Variants in SAG observed in about 807,000 individuals in gnomAD.
SAG encodes S-antigen visual arrestin.
In SAG, 45 loss-of-function variants were observed where a neutral mutation model predicts 55.0. The ratio of observed to expected loss-of-function variants is 0.82; its 90% CI spans 0.64 to 1.05. SAG has a LOEUF of 1.05. Among genes scored for constraint, SAG ranks in the 50% least tolerant of loss-of-function variants. SAG has a pLI of 0.00. For synonymous variants in SAG, 189 were observed against 197.4 expected, an observed-to-expected ratio of 0.96 and a Z score of 0.36; for missense variants, 455 against 512.1, an observed-to-expected ratio of 0.89 and a Z score of 1.08.
At chr2:233,312,255 T>C (rs1700094910) in intron 2 of SAG, among the ~76,000 whole-genome samples, 1 of 152,164 alleles carries the variant, frequency 6.6e-6, no homozygotes, top group Non-Finnish European at 1.5e-5. Flanking sequence ...AAACATGCCC[T>C]CTCTTCACCT....
intron 4 of SAG, chr2:233,320,136 C>T (rs1224876403): frequency 3.4e-6 from 1 of 293,674 alleles, no homozygotes; most frequent in African/African-American, 2.3e-5. Flanking sequence ...TGGATTTCAC[C>T]TCCCCATGTG....
At chr2:233,315,211 G>A (rs1377774204) in intron 2 of SAG, among the ~76,000 whole-genome samples, 2 of 151,030 alleles carry the variant, frequency 1.3e-5, no homozygotes, top group African/African-American at 2.4e-5. Flanking sequence ...GTCTACCTGT[G>A]CAGTAGTTCA....
chr2:233,308,348 A>G (rs1455642303), intron 1 of SAG, among the ~76,000 whole-genome samples: 1 of 152,160 alleles, frequency 6.6e-6, no homozygotes, highest in Non-Finnish European at 1.5e-5. Context: ...ACACACCTGT[A>G]GTCCTGGCTA....
intron 14 of SAG, chr2:233,343,840 A>G: frequency 1.2e-6 from 1 of 836,664 alleles, no homozygotes. Context: ...GCTTTTCTAT[A>G]TTGGTAGTGA....
intron 3 of SAG, 100 bp from the exon 4 acceptor site, chr2:233,318,651 G>A (rs954906355): frequency 5.0e-6 from 5 of 1,002,318 alleles, no homozygotes; most frequent in Non-Finnish European, 7.9e-6. Context: ...TAATGAACAT[G>A]GATTACATGT....
intron 6 of SAG, 45 bp downstream of exon 6, chr2:233,323,050 C>T (rs1179281083): frequency 8.6e-7 from 1 of 1,167,072 alleles, no homozygotes; most frequent in Non-Finnish European, 1.3e-6. Context: ...TTTGTTCATT[C>T]CTTCAATAGA....
Position 233,334,792 on chromosome 2 carries a change from C to T in SAG, c.807-170C>T, listed in dbSNP as rs73995906. ...GCTGCCAGCCCACCCTGAGATTTCA[C>T]AAGCACTGTTCTGCTTCTCGTAAGT... On this transcript the variant is annotated intron_variant, in intron 10 of 15. Transcript: ENST00000409110. 0.017 allele frequency: 11,743 copies of T among 674,894 alleles called. 975 individuals are homozygous for T. The African/African-American group carries it at 0.19, about 11-fold the overall frequency. 41.8% of individuals were successfully genotyped at this position (674,894 alleles called of 1,614,324 possible).
chr2:233,315,127 G>T (rs982082945), intron 2 of SAG, among the ~76,000 whole-genome samples: 1 of 152,148 alleles, frequency 6.6e-6, no homozygotes, highest in African/African-American at 2.4e-5. Flanking sequence ...CCAGGGGCAG[G>T]ACAGGGCCAG....
chr2:233,318,788 A>G lies in SAG; in HGVS notation c.174A>G (p.Gly58=). 2.5e-6 allele frequency: 4 copies of G among 1,613,614 alleles called. No homozygotes were observed. The highest frequency in any genetic ancestry group is 3.4e-6 in the Non-Finnish European group (4 of 1,179,596). The part of the protein sequence containing the change: ...VVLVDPDLVK[G]KKVYVTLTCA... ...TGGTTGATCCTGATCTTGTGAAGGGAAAGAAAGGTGAGATGAAGCCCCTTG... is the reference window on the plus strand; with the variant it reads ...TGGTTGATCCTGATCTTGTGAAGGGGAAGAAAGGTGAGATGAAGCCCCTTG... Residue 58 remains glycine, a synonymous_variant, in exon 4 of 16, where the codon GGA becomes GGG. Transcript: ENST00000409110.
In SAG at chr2:233,319,382, G is replaced by C. The variant is rs1700311750; in HGVS notation, c.181+587G>C. Among the ~76,000 whole-genome samples the C allele has an allele frequency of 6.6e-6, 1 of 152,198 alleles. No homozygotes were observed. Among genetic ancestry groups the C allele is most frequent in the South Asian group, 2.1e-4 (1 of 4,834 alleles). ...ACGGCGCCCTTGAAGATTTCTGGCA[G>C]TTTTGATGTGTGTGGTAAGTAATTT... On this transcript the variant is annotated intron_variant, in intron 4 of 15. Transcript: ENST00000409110. This position sits in a 1 kb window ranked among gnomAD's most constrained non-coding sequence, Gnocchi z 4.4.
chr2:233,334,893 C>G, intron 10 of SAG, 69 bp from the exon 11 acceptor site: 6 of 1,574,370 alleles, frequency 3.8e-6, no homozygotes, highest in Admixed American at 1.7e-5. Context: ...TGCCTAATGT[C>G]AAATAGGGGC....
chr2:233,328,986 A>G (rs1700661168), intron 8 of SAG: 1 of 228,682 alleles, frequency 4.4e-6, no homozygotes, highest in Non-Finnish European at 8.5e-6. Context: ...TTCCTGGGAA[A>G]TTTAAGTTTT....
At chr2:233,339,190 G>GGCACAGGA (rs1240645465) in intron 12 of SAG, among the ~76,000 whole-genome samples, 13 of 152,304 alleles carry the variant, frequency 8.5e-5, no homozygotes, top group African/African-American at 3.1e-4. Context: ...GTAATCACAG[G>GGCACAGGA]GCACAGGAGT....
Position 233,328,530 on chromosome 2 carries a change from G to A in SAG, c.565G>A (p.Gly189Ser), listed in dbSNP as rs761804229. ...AGTACAGCATGCCCCACTTGAGATG[G>A]GTCCCCAGCCCCGAGCTGAGGCGGC... is the stretch of plus-strand genomic sequence containing the variant. Reference protein sequence around the residue: ...RKVQHAPLEMGPQPRAEAAWQ... With the variant: ...RKVQHAPLEMSPQPRAEAAWQ... The change falls in exon 8 of 16, where the codon GGT becomes AGT. Residue 189 changes from glycine (G) to serine (S), a missense_variant. Transcript: ENST00000409110. The A allele has an allele frequency of 2.4e-5, 38 of 1,613,776 alleles. No individual in the cohort carries two copies. The highest frequency in any genetic ancestry group is 3.2e-5 in the Non-Finnish European group (38 of 1,179,828).
chr2:233,314,851 TG>T (rs1433893542), intron 2 of SAG, among the ~76,000 whole-genome samples: 2 of 152,056 alleles, frequency 1.3e-5, no homozygotes, highest in African/African-American at 2.4e-5. Context: ...CCAACAAAAA[TG>T]ATTTAGGCCG....
At position 233,335,107 on chromosome 2, in the gene SAG, C is replaced by T; in HGVS notation, c.944+8C>T. The T allele has an allele frequency of 6.2e-7, 1 of 1,606,500 alleles. No individual in the cohort carries two copies. Among genetic ancestry groups the T allele is most frequent in the Non-Finnish European group, 8.5e-7 (1 of 1,174,002 alleles). ...CCTTGCCTCCAGCACCATGTGAGTCCTCGAGGCTCAGGGAATAAGCCCTGG... is the reference window on the plus strand; with the variant it reads ...CCTTGCCTCCAGCACCATGTGAGTCTTCGAGGCTCAGGGAATAAGCCCTGG... On this transcript the variant is annotated splice_region_variant and intron_variant, in intron 11 of 15. Coordinates refer to ENST00000409110, the MANE Select transcript of SAG (RefSeq NM_000541.5).
chr2:233,335,726 G>T (rs1700904786), intron 11 of SAG, among the ~76,000 whole-genome samples: 1 of 152,270 alleles, frequency 6.6e-6, no homozygotes, highest in Non-Finnish European at 1.5e-5. Flanking sequence ...AATTTGGGCA[G>T]CAGATCTAGC....
chr2:233,310,221 C>A (rs1488548104), intron 2 of SAG, among the ~76,000 whole-genome samples: 1 of 152,240 alleles, frequency 6.6e-6, no homozygotes, highest in East Asian at 1.9e-4. Flanking sequence ...AGCTCAGCAA[C>A]ATCTAGTGCA....
At chr2:233,310,907 TCTC>T (rs1490580535) in intron 2 of SAG, among the ~76,000 whole-genome samples, 1 of 152,128 alleles carries the variant, frequency 6.6e-6, no homozygotes, top group Non-Finnish European at 1.5e-5. Context: ...CTTTCTGCCT[TCTC>T]CTCTCCTAGT....
Sources: gnomAD v4.1 joint callset for allele counts (sites outside exome capture counted in the v4.1 genomes callset) on GRCh38, gnomAD v4.1.1 for gene constraint, Gnocchi (gnomAD v3.1) non-coding constraint, MANE v1.5 for transcripts, NCBI Gene and HGNC (gene_info 2026-07-23, HGNC 2026-07-21) for gene names.